The following GTF3C2 variants were observed in gnomAD, a reference collection of about 807,000 sequenced individuals.
GTF3C2 encodes general transcription factor IIIC subunit 2.
A neutral mutation model predicts 117.4 loss-of-function variants in GTF3C2; 17 were observed. That is an observed-to-expected ratio of 0.14 (90% CI 0.10 to 0.22). The LOEUF is 0.22. Among genes scored for constraint, GTF3C2 ranks in the 10% least tolerant of loss-of-function variants. GTF3C2 has a pLI of 1.00. For synonymous variants in GTF3C2, 437 were observed against 427.0 expected, an observed-to-expected ratio of 1.02 and a Z score of -0.29; for missense variants, 888 against 1,143.6, an observed-to-expected ratio of 0.78 and a Z score of 3.22.
chr2:27,331,750 G>A (rs542237528), intron 12 of GTF3C2, among the ~76,000 whole-genome samples: 7 of 151,802 alleles, frequency 4.6e-5, no homozygotes, highest in Non-Finnish European at 7.4e-5. Flanking sequence ...ACCAGCCTGG[G>A]CAACATGGCG....
At chr2:27,337,718 C>A in intron 5 of GTF3C2, 160 bp from the exon 6 acceptor site, 1 of 692,992 alleles carries the variant, frequency 1.4e-6, no homozygotes, top group African/African-American at 1.8e-5. Context: ...GTGGCTAGCG[C>A]AGCTGAGAAA....
At chr2:27,343,507 G>A (rs756160105) in exon 2 of GTF3C2, 15 of 1,613,914 alleles carry the variant, frequency 9.3e-6, no homozygotes, top group East Asian at 4.5e-5. Context: ...TGTTCCCCAC[G>A]GGGCCGGCCT....
At chr2:27,353,229 C>T (rs1448355890) in intron 1 of GTF3C2, among the ~76,000 whole-genome samples, 1 of 151,928 alleles carries the variant, frequency 6.6e-6, no homozygotes, top group Admixed American at 6.6e-5. Context: ...CTCGTTTCTA[C>T]TAAAAATACA....
In GTF3C2 at chr2:27,329,445, T is replaced by C. The variant is rs1343658669; in HGVS notation, c.1811A>G (p.Tyr604Cys). 3.7e-6 allele frequency: 6 copies of C among 1,613,680 alleles called. No homozygotes were observed. The Middle Eastern group carries it at 4.9e-4, about 133-fold the overall frequency. ...ATGGGCTAGGAAACACTGGAAGGGGTAGAGCTTTAAGGAGCCATCAGAGAG... is the reference window on the plus strand; with the variant it reads ...ATGGGCTAGGAAACACTGGAAGGGGCAGAGCTTTAAGGAGCCATCAGAGAG... Residue 604 changes from tyrosine to cysteine, a missense_variant, in exon 13 of 19, where the codon TAC becomes TGC. Physicochemically the swap from Tyr to Cys is radical, Grantham distance 194. Transcript: ENST00000264720. The surrounding 1 kb of genome is among the most constrained non-coding windows in gnomAD (Gnocchi z 4.5).
intron 17 of GTF3C2, among the ~76,000 whole-genome samples, chr2:27,327,498 G>A (rs1216175021): frequency 6.6e-6 from 1 of 151,096 alleles, no homozygotes; most frequent in Non-Finnish European, 1.5e-5. Flanking sequence ...CAGATTTTTT[G>A]TATTTTTAGT....
At chr2:27,342,442 G>C in intron 3 of GTF3C2, 1 of 572,614 alleles carries the variant, frequency 1.7e-6, no homozygotes. Flanking sequence ...AACAAATGTG[G>C]AATCTGAACC....
At chr2:27,346,045 C>T (rs1433522461) in intron 1 of GTF3C2, among the ~76,000 whole-genome samples, 1 of 135,130 alleles carries the variant, frequency 7.4e-6, no homozygotes, top group Non-Finnish European at 1.6e-5. Flanking sequence ...TTTTGAGACA[C>T]GCTCTTGTTC....
At chr2:27,327,080 T>C (rs574674464) in intron 18 of GTF3C2, 97 bp downstream of exon 18, 15 of 714,454 alleles carry the variant, frequency 2.1e-5, no homozygotes, top group Admixed American at 7.7e-5. Context: ...GAGGAGGAGG[T>C]TGTCATCTGT....
chr2:27,343,560 C>G (rs1425434875), exon 2 of GTF3C2: 5 of 1,613,192 alleles, frequency 3.1e-6, no homozygotes, highest in South Asian at 1.1e-5. Flanking sequence ...TCCATCAGCA[C>G]CCCCCAAAAT....
In GTF3C2 at chr2:27,336,445, G is replaced by A; in HGVS notation, c.1128-20C>T. The A allele has an allele frequency of 2.1e-6, 3 of 1,434,244 alleles. No individual in the cohort carries two copies. The highest frequency in any genetic ancestry group is 1.4e-5 in the African/African-American group (1 of 71,512). The allele number at this position is 1,434,244 out of a possible 1,614,324, so 88.8% of individuals were successfully genotyped here. The stretch of plus-strand genomic sequence containing the variant: ...CTAAATCTAGAGAAAAATCAAAGAT[G>A]GGATGAAGAAAGGAATTAATGAAAG... On this transcript the variant is annotated intron_variant, in intron 7 of 18. Coordinates refer to ENST00000264720, the Ensembl canonical transcript of GTF3C2.
At chr2:27,333,261 C>G (rs1680342901) in intron 12 of GTF3C2, among the ~76,000 whole-genome samples, 1 of 149,956 alleles carries the variant, frequency 6.7e-6, no homozygotes, top group Non-Finnish European at 1.5e-5. Context: ...CCTGGGTTCT[C>G]AGGCCTCAGC....
Position 27,343,198 on chromosome 2 carries a change from AT to A in GTF3C2, c.248-52del, listed in dbSNP as rs1680797904. ...AGATGGGACCAGAACTCAAACCTCT[AT>A]GGAAAAGATTACACTGTACCCAGGT... On this transcript the variant is annotated intron_variant, in intron 2 of 18. Coordinates refer to ENST00000264720, the Ensembl canonical transcript of GTF3C2. 3.3e-6 allele frequency: 5 copies of A among 1,502,262 alleles called. No homozygotes were observed. In the South Asian group the frequency reaches 6.4e-5, roughly 19 times the overall value. 93.1% of individuals were successfully genotyped at this position (1,502,262 alleles called of 1,614,324 possible).
At position 27,327,292 on chromosome 2, in the gene GTF3C2, A is replaced by G. The variant is rs1486931735; in HGVS notation, c.2410-8T>C. ...CAGATCATGGAATGAACCCTGGGGA[A>G]GGGAAATGGAATAGGAGAGAGAAAG... is the stretch of plus-strand genomic sequence containing the variant. On this transcript the variant is annotated splice_polypyrimidine_tract_variant and splice_region_variant and intron_variant, in intron 17 of 18. Transcript: ENST00000264720. 2 of 1,440,100 alleles carry G rather than the reference A, an allele frequency of 1.4e-6. No individual in the cohort carries two copies. Among genetic ancestry groups the G allele is most frequent in the Admixed American group, 3.6e-5 (2 of 56,334 alleles). 89.2% of individuals were successfully genotyped at this position (1,440,100 alleles called of 1,614,324 possible). A position where few individuals can be genotyped will look rare whatever the true frequency, so the allele number is the denominator to read the frequency against.
chr2:27,328,849 C>T (rs1186051404), exon 15 of GTF3C2: 12 of 1,610,006 alleles, frequency 7.5e-6, no homozygotes, highest in African/African-American at 1.3e-5. Flanking sequence ...CTCACCCAAA[C>T]GGTGCCTTTT....
exon 17 of GTF3C2, chr2:27,328,154 G>A (rs1680152479): frequency 6.3e-7 from 1 of 1,595,228 alleles, no homozygotes; most frequent in Non-Finnish European, 8.5e-7. Flanking sequence ...CTTCAGGACT[G>A]TCCTGATACG....
At chr2:27,332,636 G>A (rs1299182466) in intron 12 of GTF3C2, among the ~76,000 whole-genome samples, 2 of 150,984 alleles carry the variant, frequency 1.3e-5, no homozygotes, top group Non-Finnish European at 3.0e-5. Context: ...GGATGGTCTC[G>A]ATATCCTGAC....
At chr2:27,328,961 CCTTTT>C in intron 14 of GTF3C2, 30 bp from the exon 15 acceptor site, 2 of 1,522,392 alleles carry the variant, frequency 1.3e-6, no homozygotes, top group Non-Finnish European at 1.8e-6. Flanking sequence ...TTTAAACCTT[CCTTTT>C]CTTTAGATTC....
At chr2:27,342,302 G>T in intron 3 of GTF3C2, 69 bp from the exon 4 acceptor site, 1 of 1,299,238 alleles carries the variant, frequency 7.7e-7, no homozygotes, top group Non-Finnish European at 1.1e-6. Context: ...AGACATGGTT[G>T]ATTTTTATCT....
chr2:27,341,339 A>G (rs905142286), intron 4 of GTF3C2: 3 of 152,652 alleles, frequency 2.0e-5, no homozygotes, highest in Admixed American at 6.5e-5. Context: ...CCCAGCCTCA[A>G]TTGTGTATTT....
Sources: gnomAD v4.1 joint callset for allele counts (sites outside exome capture counted in the v4.1 genomes callset) on GRCh38, gnomAD v4.1.1 for gene constraint, Gnocchi (gnomAD v3.1) non-coding constraint, MANE v1.5 for transcripts, NCBI Gene and HGNC (gene_info 2026-07-23, HGNC 2026-07-21) for gene names.